The following ZNF350 variants were observed in gnomAD, a reference collection of about 807,000 sequenced individuals.
The protein encoded by ZNF350 is KRAB zinc finger protein ZFQR.
In ZNF350, 5 loss-of-function variants were observed where a neutral mutation model predicts 13.1. That is an observed-to-expected ratio of 0.38 (90% CI 0.20 to 0.80). ZNF350 has a LOEUF of 0.80. Ranked by LOEUF, ZNF350 falls within the 30% of genes least tolerant of loss-of-function variation. The probability of loss-of-function intolerance (pLI) is 0.43; values close to 1 mark genes in which losing one functional copy is unlikely to be tolerated. For synonymous variants in ZNF350, 199 were observed against 224.2 expected (o/e 0.89, Z 1.00); for missense variants, 534 against 644.2 (o/e 0.83, Z 1.85).
chr19:51,965,831 A>G lies in ZNF350; in HGVS notation c.622T>C (p.Cys208Arg), dbSNP rs758056209. ...ATGAAGGCTTTCCCACATTCACTGC[A>G]CACATGATGCTTCTCTAATTTTCGT... ...KTRKLEKHHV[C>R]SECGKAFIKK... The change falls in exon 5 of 5, where the codon TGC (cysteine) becomes CGC (arginine). Residue 208 changes from cysteine to arginine, a missense_variant. Physicochemically the swap from Cys to Arg is radical, Grantham distance 180. Transcript: ENST00000243644. 7 of 1,614,052 alleles carry G rather than the reference A, an allele frequency of 4.3e-6. No individual in the cohort carries two copies. Among genetic ancestry groups the G allele is most frequent in the Non-Finnish European group, 5.9e-6 (7 of 1,180,042 alleles).
rs1173821760 is a variant in ZNF350, at chr19:51,964,719, A to C, written c.*135T>G. 2.8e-6 allele frequency: 3 copies of C among 1,057,644 alleles called. No individual in the cohort carries two copies. In the African/African-American group the frequency reaches 4.8e-5, roughly 17 times the overall value. 65.5% of individuals were successfully genotyped at this position (1,057,644 alleles called of 1,614,324 possible). A position where few individuals can be genotyped will look rare whatever the true frequency, so the allele number is the denominator to read the frequency against. The stretch of plus-strand genomic sequence containing the variant: ...AACATCAAATTTGCCTGTGTATCAC[A>C]GCATACATTTTAATAGGATGAGTTT... On this transcript the variant is annotated 3_prime_UTR_variant, in exon 5 of 5. Transcript: ENST00000243644.
At chr19:51,977,357 A>G (rs2085921769) in intron 1 of ZNF350, among the ~76,000 whole-genome samples, 1 of 152,230 alleles carries the variant, frequency 6.6e-6, no homozygotes, top group Admixed American at 6.5e-5. Flanking sequence ...GATGTGAGAC[A>G]CTTGGCGCGA....
chr19:51,968,728 CAAGAAGG>C (rs1464849318), intron 3 of ZNF350, 55 bp from the exon 4 acceptor site: 8 of 1,553,034 alleles, frequency 5.2e-6, no homozygotes, highest in African/African-American at 1.4e-5. Context: ...CTGGCAATGT[CAAGAAGG>C]AAGAATGTTA....
intron 1 of ZNF350, among the ~76,000 whole-genome samples, chr19:51,983,177 T>C (rs534288539): frequency 1.3e-4 from 20 of 152,312 alleles, no homozygotes; most frequent in Non-Finnish European, 2.2e-4. Flanking sequence ...TTAAAATGTG[T>C]TTGCAGGCAG....
At chr19:51,984,495 A>G (rs532107762) in intron 1 of ZNF350, among the ~76,000 whole-genome samples, 71 of 152,334 alleles carry the variant, frequency 4.7e-4, no homozygotes, top group African/African-American at 1.5e-3. Context: ...TACACACTCT[A>G]TGAAGCAGCA....
chr19:51,965,515 G>C lies in ZNF350; in HGVS notation c.938C>G (p.Thr313Arg). The change falls in exon 5 of 5, where the codon ACA becomes AGA. Residue 313 changes from threonine (T) to arginine (R), a missense_variant. Coordinates refer to ENST00000243644, the MANE Select transcript of ZNF350 (RefSeq NM_021632.4). ...GNLIVHQRIHTGEKPYICNEC... is the reference protein window; with the variant it reads ...GNLIVHQRIHRGEKPYICNEC... The stretch of plus-strand genomic sequence containing the variant: ...ATTGCATATATAAGGTTTCTCACCT[G>C]TATGAATTCGCTGGTGTACAATGAG... 1 of 1,614,160 alleles carries C rather than the reference G, an allele frequency of 6.2e-7. No homozygotes were observed. Among genetic ancestry groups the C allele is most frequent in the Non-Finnish European group, 8.5e-7 (1 of 1,180,018 alleles).
intron 1 of ZNF350, chr19:51,981,084 A>G (rs1470744301): frequency 6.6e-6 from 1 of 152,218 alleles, no homozygotes; most frequent in East Asian, 1.9e-4. Context: ...CTATATGATC[A>G]AACAGCAAAC....
intron 4 of ZNF350, among the ~76,000 whole-genome samples, chr19:51,966,578 G>A (rs2085582014): frequency 6.6e-6 from 1 of 151,724 alleles, no homozygotes; most frequent in Non-Finnish European, 1.5e-5. Context: ...GGGAGACGGA[G>A]TCTCACTCTG....
chr19:51,966,250 A>G lies in ZNF350; in HGVS notation c.239-36T>C, dbSNP rs760315276. On this transcript the variant is annotated intron_variant, in intron 4 of 4. Transcript: ENST00000243644. ...AAGAACAAAGATTTCTATCATTTAG[A>G]TTTGGGGTAAAAGTTTGTTGTGGTT... 2.6e-6 allele frequency: 4 copies of G among 1,513,400 alleles called. No homozygotes were observed. In the Admixed American group the frequency reaches 7.2e-5, roughly 27 times the overall value. 93.7% of individuals were successfully genotyped at this position (1,513,400 alleles called of 1,614,324 possible).
chr19:51,968,654 C>G lies in ZNF350; in HGVS notation c.162G>C (p.Pro54=). 6.2e-7 allele frequency: 1 copy of G among 1,614,036 alleles called. No homozygotes were observed. The highest frequency in any genetic ancestry group is 8.5e-7 in the Non-Finnish European group (1 of 1,179,992). Residue 54 remains proline, a synonymous_variant, in exon 4 of 5, where the codon CCG becomes CCC. Transcript: ENST00000243644. The stretch of plus-strand genomic sequence containing the variant: ...CTTGTTCCAACTTGAAGAGTGCATC[C>G]GGTTTGCTGGCTTGATACCCTGTTC... ...LVAVGYQASK[P]DALFKLEQGE... is the part of the protein sequence containing the mutation.
intron 4 of ZNF350, among the ~76,000 whole-genome samples, chr19:51,966,764 C>T (rs1340451192): frequency 6.6e-6 from 1 of 151,976 alleles, no homozygotes; most frequent in African/African-American, 2.4e-5. Context: ...TCTCCTGCCT[C>T]AGCCTCCCGA....
chr19:51,983,907 C>G (rs1454951275), intron 1 of ZNF350: 1 of 152,216 alleles, frequency 6.6e-6, no homozygotes, highest in Admixed American at 6.5e-5. Context: ...TTCCACCTTG[C>G]AAAAAATACC....
intron 4 of ZNF350, among the ~76,000 whole-genome samples, chr19:51,968,095 C>T (rs1023533712): frequency 3.3e-5 from 5 of 151,972 alleles, no homozygotes; most frequent in East Asian, 1.9e-4. Flanking sequence ...AAAAGAGAAG[C>T]GAAGGAAGCC....
intron 1 of ZNF350, among the ~76,000 whole-genome samples, chr19:51,975,226 TG>T (rs1447762237): frequency 2.0e-5 from 3 of 152,138 alleles, no homozygotes; most frequent in Non-Finnish European, 4.4e-5. Context: ...CCCAGCACTT[TG>T]GGATGCCGAG....
chr19:51,970,704 A>T (rs762477841), intron 2 of ZNF350, among the ~76,000 whole-genome samples: 1 of 152,192 alleles, frequency 6.6e-6, no homozygotes, highest in Non-Finnish European at 1.5e-5. Flanking sequence ...ATATCCAAAG[A>T]TCTAACACTG....
At chr19:51,975,782 C>T (rs191844856) in intron 1 of ZNF350, among the ~76,000 whole-genome samples, 2 of 152,270 alleles carry the variant, frequency 1.3e-5, no homozygotes, top group Admixed American at 6.5e-5. Context: ...ACTCTGTCGC[C>T]CAGGCTGGAG....
At chr19:51,983,219 G>A (rs1424790474) in intron 1 of ZNF350, among the ~76,000 whole-genome samples, 1 of 152,322 alleles carries the variant, frequency 6.6e-6, no homozygotes, top group South Asian at 2.1e-4. Flanking sequence ...CCATTCTCCA[G>A]TCTCAAGTAC....
At chr19:51,979,207 A>G (rs1366821704) in intron 1 of ZNF350, among the ~76,000 whole-genome samples, 2 of 152,182 alleles carry the variant, frequency 1.3e-5, no homozygotes, top group Non-Finnish European at 2.9e-5. Flanking sequence ...CTGGAGTGTC[A>G]GGGACAGGCA....
At chr19:51,968,533 C>T (rs1412913340) in intron 4 of ZNF350, 45 bp downstream of exon 4, 1 of 1,559,992 alleles carries the variant, frequency 6.4e-7, no homozygotes, top group Non-Finnish European at 8.8e-7. Context: ...CTCTGACTGT[C>T]TAGAATGTGA....
Sources: gnomAD v4.1 joint callset for allele counts (sites outside exome capture counted in the v4.1 genomes callset) on GRCh38, gnomAD v4.1.1 for gene constraint, MANE v1.5 for transcripts, NCBI Gene and HGNC (gene_info 2026-07-23, HGNC 2026-07-21) for gene names.